Variants in SH3KBP1 observed in about 807,000 individuals in gnomAD.
The protein encoded by SH3KBP1 is SH3 domain containing kinase binding protein 1, also known as SH3 domain-containing kinase-binding protein 1.
A neutral mutation model predicts 50.1 loss-of-function variants in SH3KBP1; 8 were observed. The observed-to-expected ratio is 0.16, with a 90% confidence interval of 0.09 to 0.29. SH3KBP1 has a LOEUF of 0.29. Among genes scored for constraint, SH3KBP1 ranks in the 10% least tolerant of loss-of-function variants. SH3KBP1 has a pLI of 1.00. For missense variants in SH3KBP1, 377 were observed against 535.2 expected, an observed-to-expected ratio of 0.70 and a Z score of 2.92; for synonymous variants, 227 against 218.6, an observed-to-expected ratio of 1.04 and a Z score of -0.34.
intron 2 of SH3KBP1, among the ~76,000 whole-genome samples, chrX:19,829,134 C>T (rs888616710): frequency 8.9e-6 from 1 of 112,188 alleles, no homozygotes; most frequent in African/African-American, 3.2e-5. Context: ...CAAGAATGTT[C>T]AGAGCCTCTA....
intron 3 of SH3KBP1, among the ~76,000 whole-genome samples, chrX:19,743,853 A>G (rs2064842165): frequency 8.9e-6 from 1 of 112,675 alleles, no homozygotes; most frequent in Non-Finnish European, 1.9e-5. Flanking sequence ...TATTAATCCA[A>G]CTTCAAGCAT....
intron 2 of SH3KBP1, among the ~76,000 whole-genome samples, chrX:19,820,163 G>GA (rs1486611782): frequency 3.6e-5 from 4 of 111,779 alleles, no homozygotes; most frequent in Non-Finnish European, 7.5e-5. Context: ...ATGGGTACTT[G>GA]AAAAAAATGT....
chrX:19,852,593 A>G (rs750828729), intron 1 of SH3KBP1, among the ~76,000 whole-genome samples: 1 of 105,943 alleles, frequency 9.4e-6, no homozygotes, highest in South Asian at 4.3e-4. Flanking sequence ...TTCAATCAAT[A>G]AAGATTTTCT....
intron 13 of SH3KBP1, 137 bp from the exon 14 acceptor site, chrX:19,550,220 T>A (rs1467595585): frequency 2.2e-6 from 1 of 462,818 alleles, no homozygotes; most frequent in Non-Finnish European, 3.7e-6. Flanking sequence ...GCTGTTTACG[T>A]CCTTTGGTCA....
chrX:19,881,917 T>A (rs761306131), intron 1 of SH3KBP1, among the ~76,000 whole-genome samples: 1 of 111,211 alleles, frequency 9.0e-6, no homozygotes, highest in Admixed American at 9.6e-5. Context: ...TACTTCGTGA[T>A]TGGAGAAGGA....
intron 3 of SH3KBP1, among the ~76,000 whole-genome samples, chrX:19,723,427 A>C: frequency 8.9e-6 from 1 of 112,350 alleles, no homozygotes; most frequent in African/African-American, 3.2e-5. Flanking sequence ...ATTCTCGTCA[A>C]CTTAATACAA....
At chrX:19,831,754 G>A (rs2067898176) in intron 2 of SH3KBP1, among the ~76,000 whole-genome samples, 1 of 65,247 alleles carries the variant, frequency 1.5e-5, no homozygotes, top group African/African-American at 7.6e-5. Flanking sequence ...TCACACCATT[G>A]CACTCCAGCC....
chrX:19,681,550 C>T (rs1379761187), intron 6 of SH3KBP1, among the ~76,000 whole-genome samples: 1 of 111,884 alleles, frequency 8.9e-6, no homozygotes, highest in Non-Finnish European at 1.9e-5. Flanking sequence ...ATGGTATGTG[C>T]CACAGAGAAC....
chrX:19,683,425 G>GC, intron 6 of SH3KBP1: 1 of 345,734 alleles, frequency 2.9e-6, no homozygotes, highest in African/African-American at 2.5e-5. Flanking sequence ...ACCACAGTCA[G>GC]CACACCCAAG....
intron 8 of SH3KBP1, among the ~76,000 whole-genome samples, chrX:19,614,394 C>A (rs1014692979): frequency 8.9e-6 from 1 of 112,578 alleles, no homozygotes; most frequent in African/African-American, 3.2e-5. Context: ...TGCCACCTAG[C>A]TTGTACATTG....
At chrX:19,710,870 C>T (rs1433709382) in intron 3 of SH3KBP1, among the ~76,000 whole-genome samples, 1 of 111,125 alleles carries the variant, frequency 9.0e-6, no homozygotes, top group East Asian at 2.8e-4. Flanking sequence ...ACACCCTCAA[C>T]TCTCTCACTA....
chrX:19,753,166 G>A (rs748098179), intron 2 of SH3KBP1, among the ~76,000 whole-genome samples: 25 of 111,841 alleles, frequency 2.2e-4, no homozygotes, highest in African/African-American at 8.1e-4. Flanking sequence ...TTGAAGAGCT[G>A]AGTGAGGTTG....
At chrX:19,743,403 T>C (rs1430402035) in intron 3 of SH3KBP1, among the ~76,000 whole-genome samples, 1 of 108,193 alleles carries the variant, frequency 9.2e-6, no homozygotes. Context: ...AGTGAGAGCC[T>C]GGGTGTCAGA....
At chrX:19,855,304 G>A (rs916697814) in intron 1 of SH3KBP1, among the ~76,000 whole-genome samples, 1 of 111,975 alleles carries the variant, frequency 8.9e-6, no homozygotes, top group African/African-American at 3.2e-5. Flanking sequence ...TTCTTAAAGA[G>A]TCAGATAGTA....
chrX:19,815,768 A>G (rs949099044), intron 2 of SH3KBP1, among the ~76,000 whole-genome samples: 2 of 111,859 alleles, frequency 1.8e-5, no homozygotes, highest in African/African-American at 6.5e-5. Context: ...GTAACATCTT[A>G]GGTTGGCTTT....
intron 7 of SH3KBP1, among the ~76,000 whole-genome samples, chrX:19,639,537 C>T (rs1300442414): frequency 1.8e-5 from 2 of 110,947 alleles, no homozygotes; most frequent in African/African-American, 6.6e-5. Context: ...CTCAAGAGGA[C>T]TGTATTTGAA....
intron 3 of SH3KBP1, among the ~76,000 whole-genome samples, chrX:19,719,256 C>T (rs1035213896): frequency 3.6e-5 from 4 of 111,183 alleles, no homozygotes; most frequent in African/African-American, 6.6e-5. Context: ...ATGGTTAGGG[C>T]GATGCCACTG....
intron 6 of SH3KBP1, among the ~76,000 whole-genome samples, chrX:19,652,888 GCTGTGCTTT>G (rs1445873277): frequency 8.9e-6 from 1 of 112,007 alleles, no homozygotes; most frequent in Non-Finnish European, 1.9e-5. Flanking sequence ...CATCACCAAG[GCTGTGCTTT>G]CAGATTTATC....
Position 19,543,806 on chromosome X carries a change from G to A in SH3KBP1, c.1624-1613C>T, listed in dbSNP as rs150741971. The stretch of plus-strand genomic sequence containing the variant: ...TGGAGAAGTGTCCTGAGGAGGCCAG[G>A]AGGGCCGAGGAAGAAGGACAGTCAT... On this transcript the variant is annotated intron_variant, in intron 15 of 17. Coordinates refer to ENST00000397821, the MANE Select transcript of SH3KBP1 (RefSeq NM_031892.3). Among the ~76,000 whole-genome samples, 182 of 111,361 alleles carry A rather than the reference G, an allele frequency of 1.6e-3. 3 individuals carry two copies. The East Asian group carries it at 0.046, about 28-fold the overall frequency.
Sources: gnomAD v4.1 joint callset for allele counts (sites outside exome capture counted in the v4.1 genomes callset) on GRCh38, gnomAD v4.1.1 for gene constraint, MANE v1.5 for transcripts, NCBI Gene and HGNC (gene_info 2026-07-23, HGNC 2026-07-21) for gene names.